Variants in PPP1R9A observed in about 807,000 individuals in gnomAD.
The protein encoded by PPP1R9A is neurabin-1.
PPP1R9A carries 59 observed loss-of-function variants against 141.9 expected under a neutral mutation model. The ratio of observed to expected loss-of-function variants is 0.42; its 90% CI spans 0.34 to 0.52. The LOEUF (loss-of-function observed/expected upper bound fraction) is 0.52, where lower values mean the gene tolerates loss of function less well. PPP1R9A is among the 20% of genes least tolerant of loss of function. The probability of loss-of-function intolerance (pLI) is 0.10; values close to 1 mark genes in which losing one functional copy is unlikely to be tolerated. For synonymous variants in PPP1R9A, 500 were observed against 569.7 expected (o/e 0.88, Z 1.74); for missense variants, 1,444 against 1,611.9 (o/e 0.90, Z 1.78).
chr7:95,099,858 C>A (rs924391056), intron 2 of PPP1R9A, among the ~76,000 whole-genome samples: 7 of 151,956 alleles, frequency 4.6e-5, no homozygotes, highest in Non-Finnish European at 8.8e-5. Context: ...ACATATTTGC[C>A]AATAAATGGT....
At chr7:94,958,260 C>T (rs568035887) in intron 2 of PPP1R9A, among the ~76,000 whole-genome samples, 15 of 152,192 alleles carry the variant, frequency 9.9e-5, no homozygotes, top group African/African-American at 3.4e-4. Flanking sequence ...GAGACCTCCC[C>T]TGTTCTGCAG....
intron 4 of PPP1R9A, among the ~76,000 whole-genome samples, chr7:95,142,339 A>G (rs1409434704): frequency 6.6e-6 from 1 of 152,082 alleles, no homozygotes; most frequent in East Asian, 1.9e-4. Flanking sequence ...TTAGAAACAT[A>G]AAATATTTTA....
chr7:94,974,160 G>T (rs1799172068), intron 2 of PPP1R9A, among the ~76,000 whole-genome samples: 1 of 152,174 alleles, frequency 6.6e-6, no homozygotes, highest in African/African-American at 2.4e-5. Flanking sequence ...GGATGAATCT[G>T]AGATAGAGGT....
chr7:95,037,967 C>G (rs1248799794), intron 2 of PPP1R9A, among the ~76,000 whole-genome samples: 2 of 131,568 alleles, frequency 1.5e-5, no homozygotes, highest in Non-Finnish European at 3.2e-5. Flanking sequence ...AAAAAAAAAG[C>G]TAAGTGTGGT....
chr7:95,183,661 A>G (rs933594115), intron 5 of PPP1R9A, among the ~76,000 whole-genome samples: 7 of 151,232 alleles, frequency 4.6e-5, no homozygotes, highest in Non-Finnish European at 8.8e-5. Flanking sequence ...GTTGGCCAGG[A>G]TGGTCTCGAT....
intron 2 of PPP1R9A, among the ~76,000 whole-genome samples, chr7:95,072,236 T>C (rs1813916266): frequency 6.8e-6 from 1 of 146,186 alleles, no homozygotes; most frequent in African/African-American, 2.5e-5. Context: ...TACACATAGC[T>C]TTTGCCTTAC....
intron 2 of PPP1R9A, among the ~76,000 whole-genome samples, chr7:94,947,468 A>G (rs546913570): frequency 9.9e-5 from 15 of 152,274 alleles, no homozygotes; most frequent in African/African-American, 3.6e-4. Context: ...GGCATTTTCT[A>G]CAGCTACAGT....
chr7:95,237,035 TTG>T (rs1796779125), intron 8 of PPP1R9A, among the ~76,000 whole-genome samples: 1 of 151,648 alleles, frequency 6.6e-6, no homozygotes, highest in Non-Finnish European at 1.5e-5. Flanking sequence ...ATAATAGCTA[TTG>T]TGTAGAATTT....
intron 2 of PPP1R9A, chr7:95,098,372 A>G (rs1336918205): frequency 1.4e-5 from 2 of 145,694 alleles, no homozygotes; most frequent in Admixed American, 1.4e-4. Flanking sequence ...TGGAGACTGA[A>G]TAAAAATAAA....
chr7:95,256,182 A>G (rs992089580), intron 12 of PPP1R9A, among the ~76,000 whole-genome samples: 1 of 148,654 alleles, frequency 6.7e-6, no homozygotes, highest in African/African-American at 2.5e-5. Flanking sequence ...ATAGAGCAAG[A>G]TCCTGTCTCA....
At chr7:95,046,919 G>T (rs2151955322) in intron 2 of PPP1R9A, among the ~76,000 whole-genome samples, 1 of 152,312 alleles carries the variant, frequency 6.6e-6, no homozygotes, top group Non-Finnish European at 1.5e-5. Context: ...CCTTCTCAGA[G>T]AAACGGTTTG....
intron 2 of PPP1R9A, among the ~76,000 whole-genome samples, chr7:94,922,321 T>G (rs1216944514): frequency 6.6e-6 from 1 of 152,002 alleles, no homozygotes; most frequent in Non-Finnish European, 1.5e-5. Flanking sequence ...AGTTTTCAGT[T>G]TGGTAGGTGA....
chr7:95,070,457 A>G (rs960697641), intron 2 of PPP1R9A, among the ~76,000 whole-genome samples: 2 of 151,894 alleles, frequency 1.3e-5, no homozygotes, highest in South Asian at 2.1e-4. Context: ...AATTTAGGCA[A>G]TTACTGAAAA....
chr7:94,927,164 G>T (rs1349448117), intron 2 of PPP1R9A, among the ~76,000 whole-genome samples: 1 of 151,820 alleles, frequency 6.6e-6, no homozygotes, highest in Non-Finnish European at 1.5e-5. Context: ...ATAATTTTTT[G>T]GGGGGGTTAT....
In PPP1R9A at chr7:95,151,941, C is replaced by CTTT. The variant is rs1167382285; in HGVS notation, c.1650-9899_1650-9897dup. 6.8e-4 allele frequency among the ~76,000 whole-genome samples: 37 copies of CTTT among 54,464 alleles called. 6 individuals carry two copies. The highest frequency in any genetic ancestry group is 1.2e-3 in the African/African-American group (16 of 13,084). 35.7% of individuals were successfully genotyped at this position (54,464 alleles called of 152,430 possible). A position where few individuals can be genotyped will look rare whatever the true frequency, so the allele number is the denominator to read the frequency against. ...AATGTCAGCACATAGTACTGAGAAT[C>CTTT]TTTTTTTTTTTTTTTTTTTTTTTTT... On this transcript the variant is annotated intron_variant, in intron 4 of 19. Transcript: ENST00000433360.
At chr7:95,089,633 T>C (rs1254095655) in intron 2 of PPP1R9A, among the ~76,000 whole-genome samples, 1 of 152,006 alleles carries the variant, frequency 6.6e-6, no homozygotes, top group African/African-American at 2.4e-5. Flanking sequence ...CGGAGTCCCA[T>C]GCCTTGTGGT....
At chr7:95,081,188 A>G (rs1815770238) in intron 2 of PPP1R9A, among the ~76,000 whole-genome samples, 1 of 152,192 alleles carries the variant, frequency 6.6e-6, no homozygotes, top group South Asian at 2.1e-4. Context: ...TAGAAACACA[A>G]AAATAGCCAG....
intron 2 of PPP1R9A, among the ~76,000 whole-genome samples, chr7:95,096,792 C>A (rs1818078135): frequency 6.6e-6 from 1 of 152,176 alleles, no homozygotes; most frequent in South Asian, 2.1e-4. Context: ...TCCTACCTTG[C>A]ACATGCTACT....
At chr7:95,004,140 A>G (rs1188783393) in intron 2 of PPP1R9A, among the ~76,000 whole-genome samples, 2 of 152,028 alleles carry the variant, frequency 1.3e-5, no homozygotes, top group African/African-American at 2.4e-5. Context: ...CTGCTTTTTT[A>G]GCATTTTAGG....
Sources: gnomAD v4.1 joint callset for allele counts (sites outside exome capture counted in the v4.1 genomes callset) on GRCh38, gnomAD v4.1.1 for gene constraint, MANE v1.5 for transcripts, NCBI Gene and HGNC (gene_info 2026-07-23, HGNC 2026-07-21) for gene names.